The following IPO9 variants were observed in gnomAD, a reference collection of about 807,000 sequenced individuals.
IPO9 encodes the protein importin-9.
In IPO9, 28 loss-of-function variants were observed where a neutral mutation model predicts 128.6. That is an observed-to-expected ratio of 0.22 (90% CI 0.16 to 0.30). The LOEUF is 0.30. Ranked by LOEUF, IPO9 falls within the 10% of genes least tolerant of loss-of-function variation. The pLI is 1.00. For synonymous variants in IPO9, 455 were observed against 475.8 expected (o/e 0.96, Z 0.57); for missense variants, 935 against 1,293.9 (o/e 0.72, Z 4.26).
chr1:201,879,706 A>C lies in IPO9; in HGVS notation c.*3652A>C, dbSNP rs1288239484. 1 of 152,222 alleles carries C rather than the reference A, an allele frequency of 6.6e-6. No homozygotes were observed. Among genetic ancestry groups the C allele is most frequent in the South Asian group, 2.1e-4 (1 of 4,834 alleles). 9.4% of individuals were successfully genotyped at this position (152,222 alleles called of 1,614,324 possible). On this transcript the variant is annotated 3_prime_UTR_variant, in exon 24 of 24. Transcript: ENST00000361565. Reference sequence around the variant, plus strand: ...TAACATCTGTGCAGAGTTGAGGACTATAGAGTACTGTGCTGTCACTAACAG... The same window carrying C: ...TAACATCTGTGCAGAGTTGAGGACTCTAGAGTACTGTGCTGTCACTAACAG...
At chr1:201,837,806 C>A (rs1269901330) in intron 1 of IPO9, among the ~76,000 whole-genome samples, 1 of 152,216 alleles carries the variant, frequency 6.6e-6, no homozygotes, top group Non-Finnish European at 1.5e-5. Context: ...CACGGGGGCT[C>A]ATGCCTGTAA....
rs114198912 is a variant in IPO9 at position 201,850,063 on chromosome 1, A to T, written c.514+1469A>T. 4.1e-3 allele frequency among the ~76,000 whole-genome samples: 627 copies of T among 152,322 alleles called. 3 individuals carry two copies. Among genetic ancestry groups the T allele is most frequent in the Non-Finnish European group, 6.1e-3 (413 of 68,034 alleles). ...AGGTTCTTTTGACAAACCTAGAGAG[A>T]AAGGTTTTGTACATTTATCTTGATT... On this transcript the variant is annotated intron_variant, in intron 4 of 23. Coordinates refer to ENST00000361565, the MANE Select transcript of IPO9 (RefSeq NM_018085.5).
chr1:201,872,606 A>AAACAAC (rs147575517), intron 19 of IPO9, among the ~76,000 whole-genome samples: 59 of 147,854 alleles, frequency 4.0e-4, no homozygotes, highest in African/African-American at 1.2e-3. Flanking sequence ...CCTATCTCAA[A>AAACAAC]AACAACAACA....
rs1034086812 is a variant in IPO9 at position 201,878,025 on chromosome 1, G to T, written c.*1971G>T. ...AGCTGGTAATTTCTTCATGCCACTAGGTGTCCCCAGTGTTCAACCTCCATG... is the reference window on the plus strand; with the variant it reads ...AGCTGGTAATTTCTTCATGCCACTATGTGTCCCCAGTGTTCAACCTCCATG... On this transcript the variant is annotated 3_prime_UTR_variant, in exon 24 of 24. Transcript: ENST00000361565. 6.6e-6 allele frequency: 1 copy of T among 152,204 alleles called. No individual in the cohort carries two copies. Among genetic ancestry groups the T allele is most frequent in the African/African-American group, 2.4e-5 (1 of 41,448 alleles). The allele number at this position is 152,204 out of a possible 1,614,324, so 9.4% of individuals were successfully genotyped here. A position where few individuals can be genotyped will look rare whatever the true frequency, so the allele number is the denominator to read the frequency against.
At chr1:201,843,949 A>G (rs1011148451) in intron 1 of IPO9, among the ~76,000 whole-genome samples, 5 of 152,132 alleles carry the variant, frequency 3.3e-5, no homozygotes, top group African/African-American at 1.2e-4. Context: ...TAATATTGTA[A>G]TAAATAAAGG....
intron 19 of IPO9, among the ~76,000 whole-genome samples, chr1:201,872,392 G>A (rs183997491): frequency 2.0e-5 from 3 of 152,032 alleles, no homozygotes; most frequent in South Asian, 4.2e-4. Flanking sequence ...TGAGGTGGGC[G>A]AATTGCTTGA....
chr1:201,867,990 T>G (rs1415940290), intron 15 of IPO9, among the ~76,000 whole-genome samples: 1 of 152,326 alleles, frequency 6.6e-6, no homozygotes, highest in East Asian at 1.9e-4. Flanking sequence ...ATCTAGGGTA[T>G]TCCCAATTTT....
intron 1 of IPO9, among the ~76,000 whole-genome samples, chr1:201,831,301 G>A (rs1319866878): frequency 6.6e-6 from 1 of 152,164 alleles, no homozygotes; most frequent in African/African-American, 2.4e-5. Context: ...CAGACTATGA[G>A]AATGAAAAGT....
chr1:201,871,087 C>T (rs1030133098), intron 18 of IPO9, 74 bp from the exon 19 acceptor site: 3 of 1,448,592 alleles, frequency 2.1e-6, no homozygotes, highest in African/African-American at 2.8e-5. Flanking sequence ...TCTTATCTGA[C>T]TGGCCAGTTC....
At chr1:201,840,004 G>C (rs1334624443) in intron 1 of IPO9, among the ~76,000 whole-genome samples, 2 of 152,156 alleles carry the variant, frequency 1.3e-5, no homozygotes, top group Non-Finnish European at 2.9e-5. Flanking sequence ...CATACAAAAA[G>C]TGTTTAAACT....
intron 11 of IPO9, 75 bp from the exon 12 acceptor site, chr1:201,858,372 C>T: frequency 1.3e-6 from 1 of 746,162 alleles, no homozygotes; most frequent in African/African-American, 1.8e-5. Context: ...TTCTAACAGT[C>T]ATGACTGAAG....
chr1:201,873,072 G>A, intron 20 of IPO9, 111 bp downstream of exon 20: 1 of 1,185,556 alleles, frequency 8.4e-7, no homozygotes, highest in Non-Finnish European at 1.1e-6. Flanking sequence ...AATTGTTGGT[G>A]ATGGGTTTGA....
At chr1:201,855,752 A>G (rs371470721) in intron 9 of IPO9, 31 bp from the exon 10 acceptor site, 1 of 1,588,096 alleles carries the variant, frequency 6.3e-7, no homozygotes, top group Non-Finnish European at 8.5e-7. Flanking sequence ...CTTTCTTGTC[A>G]TTAATTTCTT....
intron 14 of IPO9, among the ~76,000 whole-genome samples, chr1:201,865,820 G>C (rs1038246381): frequency 6.6e-6 from 1 of 152,074 alleles, no homozygotes; most frequent in Non-Finnish European, 1.5e-5. Context: ...GACCAGACAC[G>C]GTGGCTCACA....
intron 8 of IPO9, 69 bp from the exon 9 acceptor site, chr1:201,855,055 A>T: frequency 7.7e-7 from 1 of 1,297,042 alleles, no homozygotes; most frequent in South Asian, 1.3e-5. Flanking sequence ...GTGTTGGAAT[A>T]TGTAACATTT....
At position 201,880,324 on chromosome 1, in the gene IPO9, A is replaced by G. The variant is rs749511634; in HGVS notation, c.*4270A>G. On this transcript the variant is annotated 3_prime_UTR_variant, in exon 24 of 24. Transcript: ENST00000361565. ...AGGTCCTTTCAGTCTTCCTGTGCCT[A>G]TCAGTGATCCTCATTGCCATGTTCC... 3.3e-5 allele frequency: 5 copies of G among 152,196 alleles called. No individual in the cohort carries two copies. The highest frequency in any genetic ancestry group is 7.3e-5 in the Non-Finnish European group (5 of 68,038). The allele number at this position is 152,196 out of a possible 1,614,324, so 9.4% of individuals were successfully genotyped here.
chr1:201,856,376 C>T (rs192328421), intron 10 of IPO9, among the ~76,000 whole-genome samples: 2 of 152,246 alleles, frequency 1.3e-5, no homozygotes, highest in East Asian at 3.9e-4. Flanking sequence ...GACCATTAGC[C>T]TGATGGTGGG....
intron 13 of IPO9, among the ~76,000 whole-genome samples, chr1:201,859,879 G>T (rs2102881915): frequency 6.6e-6 from 1 of 151,906 alleles, no homozygotes; most frequent in East Asian, 1.9e-4. Flanking sequence ...AGAATCACTT[G>T]AACCAGGAGG....
rs368018491 is a variant in IPO9, at chr1:201,875,496, G to A, written c.3015+268G>A. Among the ~76,000 whole-genome samples, 206 of 152,142 alleles carry A rather than the reference G, an allele frequency of 1.4e-3. 1 individual carries two copies. Among genetic ancestry groups the A allele is most frequent in the African/African-American group, 4.6e-3 (192 of 41,510 alleles). ...TCCCAGCTACTCGGGAGGCTGAGGTGGGAGGATCGCTTGAGGCCAAGAGGT... is the reference window on the plus strand; with the variant it reads ...TCCCAGCTACTCGGGAGGCTGAGGTAGGAGGATCGCTTGAGGCCAAGAGGT... On this transcript the variant is annotated intron_variant, in intron 23 of 23. Transcript: ENST00000361565.
Sources: gnomAD v4.1 joint callset for allele counts (sites outside exome capture counted in the v4.1 genomes callset) on GRCh38, gnomAD v4.1.1 for gene constraint, MANE v1.5 for transcripts, NCBI Gene and HGNC (gene_info 2026-07-23, HGNC 2026-07-21) for gene names.